The following FOXP2 variants were observed in gnomAD, a reference collection of about 807,000 sequenced individuals.
The protein encoded by FOXP2 is forkhead box protein P2.
A neutral mutation model predicts 115.8 loss-of-function variants in FOXP2; 12 were observed. That is an observed-to-expected ratio of 0.10 (90% confidence interval 0.07 to 0.17). The LOEUF (loss-of-function observed/expected upper bound fraction) is 0.17. FOXP2 is among the 10% of genes least tolerant of loss of function. The probability of loss-of-function intolerance (pLI) is 1.00; values close to 1 mark genes in which losing one functional copy is unlikely to be tolerated. For missense variants in FOXP2, 629 were observed against 843.5 expected (o/e 0.75, Z 3.15); for synonymous variants, 328 against 297.7 (o/e 1.10, Z -1.05).
intron 3 of FOXP2, among the ~76,000 whole-genome samples, chr7:114,569,281 G>T (rs1390750875): frequency 2.0e-5 from 3 of 151,874 alleles, no homozygotes; most frequent in Non-Finnish European, 4.4e-5. Flanking sequence ...ATTATGACTA[G>T]TTCTTCAACT....
At chr7:114,399,099 T>C (rs1261347816) in intron 2 of FOXP2, among the ~76,000 whole-genome samples, 1 of 110,244 alleles carries the variant, frequency 9.1e-6, no homozygotes, top group Non-Finnish European at 2.0e-5. Flanking sequence ...ATCTTCTGAC[T>C]TTCTTTTTCT....
chr7:114,413,247 T>C (rs569445052), upstream of FOXP2, among the ~76,000 whole-genome samples: 5 of 151,932 alleles, frequency 3.3e-5, no homozygotes, highest in Admixed American at 1.3e-4. Context: ...GTGGAAGCCC[T>C]GTAAACTGTG....
At chr7:114,158,291 C>A (rs1032777717), upstream of FOXP2, among the ~76,000 whole-genome samples, 11 of 152,054 alleles carry the variant, frequency 7.2e-5, no homozygotes, top group South Asian at 2.1e-4. Flanking sequence ...ATCCATTTAA[C>A]CCTCGTGTTA....
intron 3 of FOXP2, among the ~76,000 whole-genome samples, chr7:114,541,004 T>A (rs1176417477): frequency 6.6e-6 from 1 of 152,018 alleles, no homozygotes; most frequent in Non-Finnish European, 1.5e-5. Flanking sequence ...AAAGCAGTGG[T>A]CTGTGAAGAT....
In FOXP2 at chr7:114,564,480, C is replaced by T. The variant is rs544448967; in HGVS notation, c.258+29774C>T. Among the ~76,000 whole-genome samples the T allele has an allele frequency of 3.0e-4, 46 of 152,192 alleles. 1 individual carries two copies. The South Asian group carries it at 8.9e-3, about 30-fold the overall frequency. On this transcript the variant is annotated intron_variant, in intron 3 of 16. Transcript: ENST00000350908. The stretch of plus-strand genomic sequence containing the variant: ...ATTCCCAATTGAAACTCAACATATT[C>T]ATAGGAATGTAGGCAACACACCACA...
At chr7:114,236,943 T>C (rs1385659093) in intron 1 of FOXP2, among the ~76,000 whole-genome samples, 1 of 152,050 alleles carries the variant, frequency 6.6e-6, no homozygotes, top group African/African-American at 2.4e-5. Context: ...TGCAACTGAC[T>C]CCATCCTAGG....
At chr7:114,318,704 A>G (rs1308703633) in intron 2 of FOXP2, among the ~76,000 whole-genome samples, 1 of 133,384 alleles carries the variant, frequency 7.5e-6, no homozygotes, top group Non-Finnish European at 1.6e-5. Context: ...GAGGATTTAG[A>G]TAATTCATAT....
At chr7:114,299,723 T>C (rs748749985) in intron 2 of FOXP2, among the ~76,000 whole-genome samples, 2 of 152,038 alleles carry the variant, frequency 1.3e-5, no homozygotes, top group Non-Finnish European at 2.9e-5. Context: ...AGTTGGACCC[T>C]CACCAGACTT....
At chr7:114,529,328 A>G (rs566503774) in intron 2 of FOXP2, among the ~76,000 whole-genome samples, 3 of 151,908 alleles carry the variant, frequency 2.0e-5, no homozygotes, top group African/African-American at 7.2e-5. Flanking sequence ...TTGGACTTGA[A>G]CCTTGAAGAA....
At chr7:114,575,945 T>C (rs936240388) in intron 3 of FOXP2, among the ~76,000 whole-genome samples, 4 of 151,918 alleles carry the variant, frequency 2.6e-5, no homozygotes, top group African/African-American at 9.7e-5. Flanking sequence ...TATAAAATAC[T>C]GTATACATTT....
intron 2 of FOXP2, among the ~76,000 whole-genome samples, chr7:114,470,922 G>C (rs1384239484): frequency 6.6e-6 from 1 of 152,044 alleles, no homozygotes; most frequent in African/African-American, 2.4e-5. Flanking sequence ...TTTCCATGCT[G>C]TTCTATAACC....
rs559511076 is a variant in FOXP2, at chr7:114,456,029, T to A, written c.168+29350T>A. Among the ~76,000 whole-genome samples the A allele has an allele frequency of 2.0e-5, 3 of 152,312 alleles. No individual in the cohort carries two copies. In the South Asian group the frequency reaches 6.2e-4, roughly 32 times the overall value. ...TTAGTCATCCTTCAATGCACCAAGA[T>A]CCAAATCAGCTTTCCCTGAAAGCCC... On this transcript the variant is annotated intron_variant, in intron 2 of 16. Transcript: ENST00000350908.
chr7:114,426,767 G>C (rs1793873139), intron 2 of FOXP2, 88 bp downstream of exon 2: 1 of 1,338,134 alleles, frequency 7.5e-7, no homozygotes, highest in African/African-American at 1.5e-5. Context: ...AACTGAGCAT[G>C]TTGTGTTAAG....
intron 4 of FOXP2, among the ~76,000 whole-genome samples, chr7:114,629,162 T>C (rs1418854649): frequency 7.2e-5 from 11 of 152,204 alleles, no homozygotes; most frequent in Non-Finnish European, 1.3e-4. Context: ...CTATTTATTA[T>C]AATGAAATTA....
At chr7:114,689,167 A>T (rs1585031766) in intron 16 of FOXP2, among the ~76,000 whole-genome samples, 1 of 152,146 alleles carries the variant, frequency 6.6e-6, no homozygotes, top group East Asian at 1.9e-4. Flanking sequence ...ACAAAATTTT[A>T]ATTACATAAT....
At position 114,644,728 on chromosome 7, in the gene FOXP2, C is replaced by T; in HGVS notation, c.1033C>T (p.His345Tyr). The T allele has an allele frequency of 6.2e-7, 1 of 1,613,830 alleles. No homozygotes were observed. The highest frequency in any genetic ancestry group is 8.5e-7 in the Non-Finnish European group (1 of 1,179,938). ...TGGGGCCTCTCACACTCTCTATGGC[C>T]ATGGAGTTTGCAAATGGCCAGGCTG... ...ETGASHTLYG[H>Y]GVCKWPGCES... Residue 345 changes from histidine (H) to tyrosine (Y), a missense_variant, in exon 8 of 17, where the codon CAT becomes TAT. His to Tyr is a moderately conservative substitution (Grantham distance 83). This residue lies in a region of FOXP2 where 92 missense variants were observed against 80.1 expected (regional missense o/e 1.15). Transcript: ENST00000350908.
At chr7:114,440,753 G>A (rs59219238) in intron 2 of FOXP2, among the ~76,000 whole-genome samples, 4 of 152,038 alleles carry the variant, frequency 2.6e-5, no homozygotes, top group Non-Finnish European at 1.5e-5. Flanking sequence ...TATCATCCAT[G>A]GCTATTCTAC....
At chr7:114,612,557 T>G (rs1177511042) in intron 3 of FOXP2, among the ~76,000 whole-genome samples, 3 of 151,008 alleles carry the variant, frequency 2.0e-5, no homozygotes, top group Non-Finnish European at 4.4e-5. Flanking sequence ...TTAAGAATGT[T>G]GAAGGTACAG....
chr7:114,269,468 C>G (rs1377844710), intron 1 of FOXP2, among the ~76,000 whole-genome samples: 3 of 152,042 alleles, frequency 2.0e-5, no homozygotes, highest in African/African-American at 7.2e-5. Context: ...CTCTGTCACC[C>G]AGGCTGTAGT....
Sources: gnomAD v4.1 joint callset for allele counts (sites outside exome capture counted in the v4.1 genomes callset) on GRCh38, gnomAD v4.1.1 for gene constraint, gnomAD v4.1.1 regional missense constraint, MANE v1.5 for transcripts, NCBI Gene and HGNC (gene_info 2026-07-23, HGNC 2026-07-21) for gene names.